R3HDM1: variants seen among roughly 807,000 people sequenced by gnomAD.
The protein encoded by R3HDM1 is R3H domain-containing protein 1.
R3HDM1 carries 46 observed loss-of-function variants against 141.1 expected under a neutral mutation model. The ratio of observed to expected loss-of-function variants is 0.33; its 90% CI spans 0.26 to 0.42. The LOEUF (loss-of-function observed/expected upper bound fraction) is 0.42, where lower values mean the gene tolerates loss of function less well. Among genes scored for constraint, R3HDM1 ranks in the 10% least tolerant of loss-of-function variants. The probability of loss-of-function intolerance (pLI) is 1.00; values close to 1 mark genes in which losing one functional copy is unlikely to be tolerated. For synonymous variants in R3HDM1, 435 were observed against 472.9 expected, an observed-to-expected ratio of 0.92 and a Z score of 1.04; for missense variants, 1,184 against 1,368.3, an observed-to-expected ratio of 0.87 and a Z score of 2.12.
chr2:135,583,664 C>G (rs1650190178), intron 1 of R3HDM1: 1 of 899,978 alleles, frequency 1.1e-6, no homozygotes, highest in African/African-American at 1.8e-5. Flanking sequence ...TAAGATGGCC[C>G]TTGGCTATAG....
chr2:135,674,694 C>T (rs1424346599), intron 19 of R3HDM1, among the ~76,000 whole-genome samples: 2 of 152,136 alleles, frequency 1.3e-5, no homozygotes, highest in Non-Finnish European at 2.9e-5. Flanking sequence ...GAGCAGATTA[C>T]TTGAGTTGTT....
Position 135,661,343 on chromosome 2 carries a change from A to G in R3HDM1, c.2102A>G (p.His701Arg), listed in dbSNP as rs375134861. Residue 701 changes from histidine to arginine, a missense_variant, in exon 19 of 27, where the codon CAT (histidine) becomes CGT (arginine). This residue lies in a region of R3HDM1 where 563 missense variants were observed against 562.0 expected (regional missense o/e 1.00). Transcript: ENST00000683871. ...QPQYRPVPSV[H>R]YNSHLNQPLP... is the part of the protein sequence containing the mutation. ...CAGTATCGCCCAGTCCCTTCTGTTC[A>G]TTACAATTCACATCTAAACCAACCA... 18 of 1,613,854 alleles carry G rather than the reference A, an allele frequency of 1.1e-5. No individual in the cohort carries two copies. Among genetic ancestry groups the G allele is most frequent in the Non-Finnish European group, 1.4e-5 (17 of 1,179,840 alleles).
intron 18 of R3HDM1, among the ~76,000 whole-genome samples, chr2:135,658,812 ATT>A (rs2066259510): frequency 6.6e-6 from 1 of 152,024 alleles, no homozygotes; most frequent in Non-Finnish European, 1.5e-5. Flanking sequence ...GAATTTTTAA[ATT>A]TTCTTTCTTT....
chr2:135,575,591 A>G (rs989681585), intron 1 of R3HDM1, among the ~76,000 whole-genome samples: 1 of 152,232 alleles, frequency 6.6e-6, no homozygotes, highest in Non-Finnish European at 1.5e-5. Flanking sequence ...ATAAAATAGC[A>G]GGATATAAAA....
intron 19 of R3HDM1, among the ~76,000 whole-genome samples, chr2:135,664,961 T>C (rs1023228040): frequency 1.3e-5 from 2 of 152,206 alleles, no homozygotes; most frequent in African/African-American, 2.4e-5. Flanking sequence ...ATGGAATTTT[T>C]ACTGTGTTGT....
chr2:135,653,568 T>C (rs905503121), intron 18 of R3HDM1, among the ~76,000 whole-genome samples: 2 of 152,206 alleles, frequency 1.3e-5, no homozygotes, highest in African/African-American at 4.8e-5. Flanking sequence ...TTTGAGAGGA[T>C]TTTTTATGAC....
intron 1 of R3HDM1, among the ~76,000 whole-genome samples, chr2:135,552,701 G>A (rs903553823): frequency 1.7e-4 from 26 of 152,114 alleles, no homozygotes; most frequent in African/African-American, 6.3e-4. Context: ...TTCTTAAAAA[G>A]CCCAGGTCAT....
rs75006798 is a variant in R3HDM1, at chr2:135,725,004, A to G, written c.*712A>G. 6.6e-6 allele frequency: 1 copy of G among 152,188 alleles called. No individual in the cohort carries two copies. The highest frequency in any genetic ancestry group is 6.6e-5 in the Admixed American group (1 of 15,240). 9.4% of individuals were successfully genotyped at this position (152,188 alleles called of 1,614,324 possible). ...TACTTCCACTTTTTTTTTTTCAAGT[A>G]TCTCTCTAATAACTAAATGCCACTT... On this transcript the variant is annotated 3_prime_UTR_variant, in exon 27 of 27. Coordinates refer to ENST00000683871, the MANE Select transcript of R3HDM1 (RefSeq NM_001378107.1).
At chr2:135,711,881 C>T (rs556757864) in intron 23 of R3HDM1, among the ~76,000 whole-genome samples, 1 of 148,394 alleles carries the variant, frequency 6.7e-6, no homozygotes. Context: ...ATTGCTTGAA[C>T]CCAGGAGGCA....
chr2:135,536,083 T>C (rs1696034884), intron 1 of R3HDM1, among the ~76,000 whole-genome samples: 1 of 152,208 alleles, frequency 6.6e-6, no homozygotes, highest in Non-Finnish European at 1.5e-5. Context: ...TTTCCAAATT[T>C]CTACCTGTCA....
At chr2:135,550,161 T>A (rs1472989448) in intron 1 of R3HDM1, 8 of 983,950 alleles carry the variant, frequency 8.1e-6, no homozygotes, top group Non-Finnish European at 9.7e-6. Flanking sequence ...ACACGAACTA[T>A]TTTTTTACAC....
Position 135,531,502 on chromosome 2 carries a change from G to C in R3HDM1, c.-381G>C. On this transcript the variant is annotated 5_prime_UTR_variant, in exon 1 of 27. Coordinates refer to ENST00000683871, the MANE Select transcript of R3HDM1 (RefSeq NM_001378107.1). ...GGGCGGGATTCTGCCAGCCGCGGCT[G>C]CCGCTGGAGCCGGTGTCCGGGCTGG... is the stretch of plus-strand genomic sequence containing the variant. 1.0e-6 allele frequency: 1 copy of C among 985,886 alleles called. No individual in the cohort carries two copies. Among genetic ancestry groups the C allele is most frequent in the Non-Finnish European group, 1.2e-6 (1 of 830,024 alleles). The allele number at this position is 985,886 out of a possible 1,614,324, so 61.1% of individuals were successfully genotyped here.
At chr2:135,702,477 G>A (rs2074355250) in intron 21 of R3HDM1, among the ~76,000 whole-genome samples, 1 of 151,934 alleles carries the variant, frequency 6.6e-6, no homozygotes. Context: ...TGGCTAACAC[G>A]ATGAAACCCC....
rs981818805 is a variant in R3HDM1, at chr2:135,669,306, T to C, written c.2153-6026T>C. On this transcript the variant is annotated intron_variant, in intron 19 of 26. Coordinates refer to ENST00000683871, the MANE Select transcript of R3HDM1 (RefSeq NM_001378107.1). ...CCTGCTCTTTTTTAAAGCCCCCAAG[T>C]TCATGTGGCTACCATCTGAACTAAC... 6 of 985,344 alleles carry C rather than the reference T, an allele frequency of 6.1e-6. No individual in the cohort carries two copies. In the East Asian group the frequency reaches 6.8e-4, roughly 112 times the overall value. The allele number at this position is 985,344 out of a possible 1,614,324, so 61.0% of individuals were successfully genotyped here.
chr2:135,599,057 G>T (rs2059415040), intron 1 of R3HDM1, among the ~76,000 whole-genome samples: 1 of 152,174 alleles, frequency 6.6e-6, no homozygotes, highest in African/African-American at 2.4e-5. Flanking sequence ...ATTATAAAAA[G>T]ATTTCCTATA....
At chr2:135,577,713 C>T (rs1239594869) in intron 1 of R3HDM1, among the ~76,000 whole-genome samples, 1 of 151,784 alleles carries the variant, frequency 6.6e-6, no homozygotes, top group Non-Finnish European at 1.5e-5. Context: ...TGGTGGGCGC[C>T]TGTAATCCCA....
intron 21 of R3HDM1, among the ~76,000 whole-genome samples, chr2:135,704,131 C>T (rs965331213): frequency 6.6e-6 from 1 of 152,194 alleles, no homozygotes; most frequent in African/African-American, 2.4e-5. Context: ...CAGGCACCCA[C>T]CACCACGCCC....
intron 1 of R3HDM1, among the ~76,000 whole-genome samples, chr2:135,584,963 T>C (rs1001853858): frequency 2.0e-5 from 3 of 152,246 alleles, no homozygotes; most frequent in African/African-American, 7.2e-5. Context: ...AAATCATTTA[T>C]ACCCTTTGGC....
At chr2:135,576,957 T>C (rs1705584173) in intron 1 of R3HDM1, 1 of 353,480 alleles carries the variant, frequency 2.8e-6, no homozygotes, top group African/African-American at 2.2e-5. Flanking sequence ...ATGAATATAC[T>C]AAAAGCCACT....
Sources: allele counts gnomAD v4.1 joint callset (sites outside exome capture counted in the v4.1 genomes callset), GRCh38; gene constraint gnomAD v4.1.1; regional missense constraint gnomAD v4.1.1; transcripts MANE v1.5; gene names NCBI Gene and HGNC (gene_info 2026-07-23, HGNC 2026-07-21).